DENND1B: variants seen among roughly 807,000 people sequenced by gnomAD.
The protein encoded by DENND1B is DENN domain-containing protein 1B.
A neutral mutation model predicts 90.1 loss-of-function variants in DENND1B; 59 were observed. The observed-to-expected ratio is 0.65, with a 90% CI of 0.53 to 0.81. The LOEUF is 0.81. Among genes scored for constraint, DENND1B ranks in the 40% least tolerant of loss-of-function variants. The pLI, the probability that DENND1B is intolerant of heterozygous loss-of-function variation, is 0.00. For synonymous variants in DENND1B, 337 were observed against 324.6 expected, an observed-to-expected ratio of 1.04 and a Z score of -0.41; for missense variants, 862 against 912.6, an observed-to-expected ratio of 0.94 and a Z score of 0.71.
intron 2 of DENND1B, among the ~76,000 whole-genome samples, chr1:197,750,570 C>CTAGATAGGTAGA (rs1553342789): frequency 2.0e-5 from 3 of 149,118 alleles, no homozygotes; most frequent in African/African-American, 7.4e-5. Flanking sequence ...AAAAGCAAAC[C>CTAGATAGGTAGA]TAGATAGATA....
chr1:197,747,485 C>A, intron 2 of DENND1B: 1 of 264,310 alleles, frequency 3.8e-6, no homozygotes, highest in Non-Finnish European at 7.5e-6. Context: ...CACCTGGCAG[C>A]CATCTTAAGA....
chr1:197,655,097 A>C (rs1411052832), intron 6 of DENND1B, among the ~76,000 whole-genome samples: 1 of 152,336 alleles, frequency 6.6e-6, no homozygotes, highest in Admixed American at 6.5e-5. Context: ...CCTATGGAAA[A>C]ATTTAGAGTG....
chr1:197,664,147 A>G (rs573448885), intron 5 of DENND1B, among the ~76,000 whole-genome samples: 93 of 152,174 alleles, frequency 6.1e-4, no homozygotes, highest in Admixed American at 1.1e-3. Flanking sequence ...TACATGCTCA[A>G]AGCAACTAAT....
chr1:197,548,623 A>G (rs561123445), intron 16 of DENND1B, among the ~76,000 whole-genome samples: 4 of 152,292 alleles, frequency 2.6e-5, no homozygotes, highest in South Asian at 2.1e-4. Flanking sequence ...CTGAAACAGA[A>G]TAAGAATCTA....
intron 3 of DENND1B, among the ~76,000 whole-genome samples, chr1:197,680,857 T>G (rs773984043): frequency 2.8e-4 from 43 of 152,116 alleles, no homozygotes; most frequent in Non-Finnish European, 5.6e-4. Context: ...AATTACTGTC[T>G]ATCTCATAAG....
intron 16 of DENND1B, 166 bp downstream of exon 16, chr1:197,552,856 T>C (rs1247048272): frequency 3.6e-6 from 5 of 1,381,042 alleles, no homozygotes; most frequent in Non-Finnish European, 4.6e-6. Context: ...TCAGGCAAAA[T>C]AAGCTAATTC....
chr1:197,524,734 GCTAGATA>G (rs376409478), intron 20 of DENND1B, among the ~76,000 whole-genome samples: 1 of 152,074 alleles, frequency 6.6e-6, no homozygotes, highest in African/African-American at 2.4e-5. Context: ...ACCAGCACAC[GCTAGATA>G]CTGGTTGTGT....
chr1:197,716,978 G>A (rs1247255323), intron 2 of DENND1B, among the ~76,000 whole-genome samples: 3 of 151,684 alleles, frequency 2.0e-5, no homozygotes, highest in Non-Finnish European at 4.4e-5. Flanking sequence ...TTCGGAGAGA[G>A]AACAAATAAG....
At chr1:197,752,618 A>T (rs1310331415) in intron 2 of DENND1B, among the ~76,000 whole-genome samples, 1 of 152,032 alleles carries the variant, frequency 6.6e-6, no homozygotes, top group Non-Finnish European at 1.5e-5. Flanking sequence ...ACCAAAATAG[A>T]AATTTTTTTC....
intron 9 of DENND1B, among the ~76,000 whole-genome samples, chr1:197,643,134 T>C (rs201125658): frequency 1.3e-5 from 2 of 152,130 alleles, no homozygotes; most frequent in East Asian, 3.9e-4. Context: ...AGCTGCTCTG[T>C]TGAATTGTCA....
intron 9 of DENND1B, among the ~76,000 whole-genome samples, chr1:197,644,867 T>A (rs1318672000): frequency 1.3e-5 from 2 of 152,172 alleles, no homozygotes; most frequent in Admixed American, 1.3e-4. Context: ...ATAATAAGTA[T>A]ATATTGAAAT....
intron 20 of DENND1B, among the ~76,000 whole-genome samples, chr1:197,536,421 C>T (rs942939840): frequency 1.3e-5 from 2 of 152,136 alleles, no homozygotes; most frequent in South Asian, 2.1e-4. Context: ...TCAATGTAAA[C>T]GTACCCGCTC....
At chr1:197,781,944 G>T in the DENND1B span, among the ~76,000 whole-genome samples, 5 of 152,132 alleles carry the variant, frequency 3.3e-5, no homozygotes, top group Non-Finnish European at 2.9e-5. Flanking sequence ...ATCTTCTTCT[G>T]CCTTTTTCAG....
upstream of DENND1B, among the ~76,000 whole-genome samples, chr1:197,779,312 T>C (rs1196839168): frequency 6.6e-6 from 1 of 152,204 alleles, no homozygotes; most frequent in Non-Finnish European, 1.5e-5. Flanking sequence ...ATGTCATCTG[T>C]TTTTTCTCTC....
intron 20 of DENND1B, among the ~76,000 whole-genome samples, chr1:197,518,961 T>G (rs1358732717): frequency 6.6e-6 from 1 of 151,958 alleles, no homozygotes; most frequent in Non-Finnish European, 1.5e-5. Flanking sequence ...TATACAGGTC[T>G]GCACCATTCA....
intron 10 of DENND1B, among the ~76,000 whole-genome samples, chr1:197,630,572 T>A (rs1374344219): frequency 1.3e-5 from 2 of 152,156 alleles, no homozygotes; most frequent in African/African-American, 4.8e-5. Flanking sequence ...TTCTGATACT[T>A]CACTGCTAAA....
intron 20 of DENND1B, among the ~76,000 whole-genome samples, chr1:197,523,218 C>A (rs2125617220): frequency 6.6e-6 from 1 of 152,094 alleles, no homozygotes; most frequent in Non-Finnish European, 1.5e-5. Context: ...CACTGCCTCC[C>A]AAGACTGCTG....
chr1:197,606,389 A>G (rs968018423), intron 13 of DENND1B: 2 of 151,240 alleles, frequency 1.3e-5, no homozygotes, highest in Non-Finnish European at 3.0e-5. Flanking sequence ...TTTATGACAA[A>G]CTGGGTTTGC....
chr1:197,691,211 A>G (rs1657835483), intron 3 of DENND1B, among the ~76,000 whole-genome samples: 1 of 151,796 alleles, frequency 6.6e-6, no homozygotes, highest in African/African-American at 2.4e-5. Context: ...CATACATATG[A>G]TAAAGGGTTA....
Sources: allele counts gnomAD v4.1 joint callset (sites outside exome capture counted in the v4.1 genomes callset), GRCh38; gene constraint gnomAD v4.1.1; transcripts MANE v1.5; gene names NCBI Gene and HGNC (gene_info 2026-07-23, HGNC 2026-07-21).